SLC35F1: variants seen among roughly 807,000 people sequenced by gnomAD.
SLC35F1 encodes the protein chromosome 6 open reading frame 169.
A neutral mutation model predicts 48.7 loss-of-function variants in SLC35F1; 14 were observed. The observed-to-expected ratio is 0.29, with a 90% confidence interval of 0.19 to 0.45. The LOEUF (loss-of-function observed/expected upper bound fraction) is 0.45, where lower values mean the gene tolerates loss of function less well. SLC35F1 is among the 20% of genes least tolerant of loss of function. SLC35F1 has a pLI of 1.00. For missense variants in SLC35F1, 404 were observed against 500.0 expected (o/e 0.81, Z 1.83); for synonymous variants, 190 against 202.2 (o/e 0.94, Z 0.51).
rs376733376 is a variant in SLC35F1, at chr6:118,111,073, A to G, written c.174-43372A>G. The stretch of plus-strand genomic sequence containing the variant: ...CCCCATAGTAAGGAGTTTTTCTCCC[A>G]TCTTCATAGTAAGAAACTGGGAGAT... On this transcript the variant is annotated intron_variant, in intron 1 of 7. Coordinates refer to ENST00000360388, the MANE Select transcript of SLC35F1 (RefSeq NM_001029858.4). Among the ~76,000 whole-genome samples the G allele has an allele frequency of 1.5e-4, 23 of 152,270 alleles. 1 individual carries two copies. The East Asian group carries it at 4.2e-3, about 28-fold the overall frequency.
intron 2 of SLC35F1, among the ~76,000 whole-genome samples, chr6:118,159,247 A>AAAAAAG (rs1774191640): frequency 6.8e-6 from 1 of 146,628 alleles, no homozygotes; most frequent in African/African-American, 2.5e-5. Flanking sequence ...AAAAAAAAAA[A>AAAAAAG]GTGCTTACTG....
rs181455133 is a variant in SLC35F1 at position 117,980,969 on chromosome 6, A to C, written c.173+73070A>C. ...TCAGTTCTGAATTTTGGGAAAAAAAACCCTCAAAATGTAGGAATACCAGTT... is the reference window on the plus strand; with the variant it reads ...TCAGTTCTGAATTTTGGGAAAAAAACCCCTCAAAATGTAGGAATACCAGTT... On this transcript the variant is annotated intron_variant, in intron 1 of 7. Transcript: ENST00000360388. 7.2e-4 allele frequency among the ~76,000 whole-genome samples: 109 copies of C among 152,300 alleles called. 1 individual carries two copies. In the East Asian group the frequency reaches 0.02, roughly 28 times the overall value.
At chr6:118,231,713 T>G (rs1189146433) in intron 2 of SLC35F1, among the ~76,000 whole-genome samples, 1 of 152,180 alleles carries the variant, frequency 6.6e-6, no homozygotes, top group Non-Finnish European at 1.5e-5. Context: ...ATCTATGTAA[T>G]GAAGAACACT....
At chr6:118,229,063 A>G (rs1252056377) in intron 2 of SLC35F1, among the ~76,000 whole-genome samples, 1 of 151,824 alleles carries the variant, frequency 6.6e-6, no homozygotes, top group Non-Finnish European at 1.5e-5. Context: ...TCTGTTTTCC[A>G]GTCATTGGCT....
chr6:118,002,970 C>G (rs1441195737), intron 1 of SLC35F1, among the ~76,000 whole-genome samples: 1 of 152,170 alleles, frequency 6.6e-6, no homozygotes, highest in Non-Finnish European at 1.5e-5. Flanking sequence ...CTCCCTGTGG[C>G]TATGAAGTCA....
At chr6:118,127,609 G>A (rs1202709576) in intron 1 of SLC35F1, among the ~76,000 whole-genome samples, 2 of 152,012 alleles carry the variant, frequency 1.3e-5, no homozygotes, top group Non-Finnish European at 2.9e-5. Flanking sequence ...CTAGCCATAT[G>A]TAGAAAGCTG....
chr6:117,936,875 G>T (rs534231360), intron 1 of SLC35F1, among the ~76,000 whole-genome samples: 1 of 152,184 alleles, frequency 6.6e-6, no homozygotes, highest in East Asian at 1.9e-4. Context: ...TAAACAAGTA[G>T]TTCCAATTTA....
chr6:118,186,632 T>C (rs1017713291), intron 2 of SLC35F1, among the ~76,000 whole-genome samples: 3 of 152,224 alleles, frequency 2.0e-5, no homozygotes, highest in African/African-American at 7.2e-5. Context: ...TACATAGTGG[T>C]TCAACATTCA....
chr6:118,272,325 G>A (rs187322868), intron 4 of SLC35F1, among the ~76,000 whole-genome samples: 2 of 152,248 alleles, frequency 1.3e-5, no homozygotes, highest in East Asian at 3.9e-4. Context: ...TCAGAGGAGG[G>A]AGAGAACTAT....
intron 2 of SLC35F1, among the ~76,000 whole-genome samples, chr6:118,218,924 C>G (rs1286403025): frequency 6.6e-6 from 1 of 152,082 alleles, no homozygotes; most frequent in Non-Finnish European, 1.5e-5. Flanking sequence ...GGGTACATAT[C>G]CAAGAATAGA....
intron 1 of SLC35F1, among the ~76,000 whole-genome samples, chr6:118,060,541 A>C (rs1772522940): frequency 6.6e-6 from 1 of 152,156 alleles, no homozygotes; most frequent in Non-Finnish European, 1.5e-5. Context: ...GTTGTTAGTT[A>C]TCATCTAGAT....
At chr6:117,950,828 C>T (rs1278814796) in intron 1 of SLC35F1, among the ~76,000 whole-genome samples, 1 of 152,050 alleles carries the variant, frequency 6.6e-6, no homozygotes, top group African/African-American at 2.4e-5. Context: ...CCTTAAATTA[C>T]AGTTAAGGCA....
chr6:117,962,994 C>G (rs576988603), intron 1 of SLC35F1, among the ~76,000 whole-genome samples: 2 of 152,046 alleles, frequency 1.3e-5, no homozygotes, highest in Non-Finnish European at 2.9e-5. Flanking sequence ...CTCAGAGCCC[C>G]GGTTTCCTTA....
intron 1 of SLC35F1, among the ~76,000 whole-genome samples, chr6:118,029,738 C>T (rs9489300): frequency 0.17 from 26,540 of 152,094 alleles, 2,733 homozygotes; most frequent in Middle Eastern, 0.27. Flanking sequence ...ATACTGTTTA[C>T]AAAAGTTGAA....
At chr6:117,956,748 G>T (rs1037977918) in intron 1 of SLC35F1, among the ~76,000 whole-genome samples, 1 of 152,158 alleles carries the variant, frequency 6.6e-6, no homozygotes, top group Non-Finnish European at 1.5e-5. Context: ...TGTCAGTAAG[G>T]CCCCTGTTGG....
chr6:118,031,739 T>A (rs1192414810), intron 1 of SLC35F1, among the ~76,000 whole-genome samples: 1 of 152,156 alleles, frequency 6.6e-6, no homozygotes, highest in Non-Finnish European at 1.5e-5. Flanking sequence ...AGCTTTGCAG[T>A]CATATTTATA....
chr6:118,171,240 A>G (rs902950623), intron 2 of SLC35F1, among the ~76,000 whole-genome samples: 1 of 152,054 alleles, frequency 6.6e-6, no homozygotes, highest in African/African-American at 2.4e-5. Context: ...GGGTTTTGCC[A>G]TGTTGGCTAG....
intron 1 of SLC35F1, among the ~76,000 whole-genome samples, chr6:117,916,151 C>T (rs973517413): frequency 7.2e-5 from 11 of 152,100 alleles, no homozygotes; most frequent in Non-Finnish European, 1.0e-4. Context: ...GTGGCCAGAC[C>T]GTGATGAGAA....
At chr6:118,017,232 G>A (rs1227327778) in intron 1 of SLC35F1, among the ~76,000 whole-genome samples, 1 of 152,176 alleles carries the variant, frequency 6.6e-6, no homozygotes, top group East Asian at 1.9e-4. Flanking sequence ...GGGACTTCCC[G>A]ATCCTAGAGT....
Sources: allele counts gnomAD v4.1 joint callset (sites outside exome capture counted in the v4.1 genomes callset), GRCh38; gene constraint gnomAD v4.1.1; transcripts MANE v1.5; gene names NCBI Gene and HGNC (gene_info 2026-07-23, HGNC 2026-07-21).